CUX2: variants seen among roughly 807,000 people sequenced by gnomAD.
CUX2 encodes homeobox protein cut-like 2.
In CUX2, 40 loss-of-function variants were observed where a neutral mutation model predicts 144.8. The observed-to-expected ratio is 0.28, with a 90% CI of 0.21 to 0.36. The LOEUF is 0.36. Ranked by LOEUF, CUX2 falls within the 10% of genes least tolerant of loss-of-function variation. CUX2 has a pLI of 1.00. For missense variants in CUX2, 1,615 were observed against 1,994.0 expected (o/e 0.81, Z 3.62); for synonymous variants, 827 against 875.6 (o/e 0.94, Z 0.98).
At chr12:111,193,956 C>T (rs1880064821) in intron 1 of CUX2, among the ~76,000 whole-genome samples, 1 of 119,088 alleles carries the variant, frequency 8.4e-6, no homozygotes, top group African/African-American at 4.2e-5. Context: ...AGGTTGGGCT[C>T]CTCCGCAACC....
intron 20 of CUX2, among the ~76,000 whole-genome samples, chr12:111,340,131 G>A (rs1384118631): frequency 6.6e-6 from 1 of 152,190 alleles, no homozygotes; most frequent in African/African-American, 2.4e-5. Flanking sequence ...GGGAGGTGGA[G>A]GTTGCAGTGA....
intron 3 of CUX2, among the ~76,000 whole-genome samples, chr12:111,228,751 G>C (rs1882309954): frequency 6.6e-6 from 1 of 151,964 alleles, no homozygotes; most frequent in Non-Finnish European, 1.5e-5. Context: ...TATTGCATTT[G>C]GTTGAAAAAA....
chr12:111,079,574 T>G (rs1566205244), intron 1 of CUX2, among the ~76,000 whole-genome samples: 1 of 152,190 alleles, frequency 6.6e-6, no homozygotes, highest in Non-Finnish European at 1.5e-5. Flanking sequence ...GTTTGTAGAC[T>G]TAGTGAGACC....
chr12:111,053,247 C>T (rs1474752413), intron 1 of CUX2, among the ~76,000 whole-genome samples: 4 of 152,196 alleles, frequency 2.6e-5, no homozygotes, highest in East Asian at 1.9e-4. Context: ...TTTTGTTTCT[C>T]GTGCTTGCTC....
At chr12:111,121,019 C>T (rs1874622083) in intron 1 of CUX2, among the ~76,000 whole-genome samples, 1 of 148,164 alleles carries the variant, frequency 6.7e-6, no homozygotes, top group Non-Finnish European at 1.5e-5. Flanking sequence ...ACCCGCCAGA[C>T]TTTTAAGGGT....
intron 16 of CUX2, among the ~76,000 whole-genome samples, chr12:111,318,495 C>T (rs1887317851): frequency 6.6e-6 from 1 of 151,086 alleles, no homozygotes; most frequent in African/African-American, 2.4e-5. Flanking sequence ...GCAGGAGAAC[C>T]ACTTGAGCCC....
chr12:111,262,777 GA>G lies in CUX2; in HGVS notation c.223-983del, dbSNP rs544467646. Among the ~76,000 whole-genome samples the G allele has an allele frequency of 9.1e-4, 139 of 152,308 alleles. 2 individuals are homozygous for G. Among genetic ancestry groups the G allele is most frequent in the African/African-American group, 3.3e-3 (136 of 41,570 alleles). ...CCTCCAACATTTGTTAAAGTTGTTT[GA>G]TATCTTACGAGAGCTTTAACAATTT... On this transcript the variant is annotated intron_variant, in intron 3 of 21. Coordinates refer to ENST00000261726, the MANE Select transcript of CUX2 (RefSeq NM_015267.4).
chr12:111,150,865 TTTG>T (rs983849904), intron 1 of CUX2, among the ~76,000 whole-genome samples: 46 of 152,216 alleles, frequency 3.0e-4, no homozygotes, highest in African/African-American at 1.1e-3. Flanking sequence ...CATGTTTTAT[TTTG>T]TTATTATTTC....
rs1380816672 is a variant in CUX2, at chr12:111,160,022, TAAAAA to T, written c.64-54177_64-54173del. ...CCTGGGCGACAAAGTGAGACTATCT[TAAAAA>T]CAAAACAAAACAACAACTACAAAAA... On this transcript the variant is annotated intron_variant, in intron 1 of 21. Transcript: ENST00000261726. This position sits in a 1 kb window ranked among gnomAD's most constrained non-coding sequence, Gnocchi z 4.1. 6.6e-6 allele frequency among the ~76,000 whole-genome samples: 1 copy of T among 152,048 alleles called. No individual in the cohort carries two copies. The highest frequency in any genetic ancestry group is 1.5e-5 in the Non-Finnish European group (1 of 68,000).
intron 3 of CUX2, among the ~76,000 whole-genome samples, chr12:111,258,018 A>G (rs181150438): frequency 2.0e-5 from 3 of 152,160 alleles, no homozygotes; most frequent in Non-Finnish European, 2.9e-5. Context: ...AAGATATCCT[A>G]TGTGATTAGA....
At position 111,330,131 on chromosome 12, in the gene CUX2, A is replaced by T. The variant is rs78276934; in HGVS notation, c.2927-4310A>T. 8.7e-3 allele frequency among the ~76,000 whole-genome samples: 1,321 copies of T among 152,322 alleles called. 7 individuals carry two copies. Among genetic ancestry groups the T allele is most frequent in the Non-Finnish European group, 0.013 (856 of 68,018 alleles). ...GGATGCTACCTGAATGGCCAGGATC[A>T]GCTCACTTGGGGCTGGGGGCACAGT... On this transcript the variant is annotated intron_variant, in intron 18 of 21. Coordinates refer to ENST00000261726, the MANE Select transcript of CUX2 (RefSeq NM_015267.4).
Position 111,212,204 on chromosome 12 carries a change from T to C in CUX2, c.64-1996T>C, listed in dbSNP as rs188725239. Among the ~76,000 whole-genome samples, 5 of 152,328 alleles carry C rather than the reference T, an allele frequency of 3.3e-5. No homozygotes were observed. The East Asian group carries it at 9.6e-4, about 29-fold the overall frequency. On this transcript the variant is annotated intron_variant, in intron 1 of 21. Transcript: ENST00000261726. Reference sequence around the variant, plus strand: ...CAGTTGTAGTTTCTGTATTAGAAACTGTGATTAGTTTTAAGTGATGATGAA... The same window carrying C: ...CAGTTGTAGTTTCTGTATTAGAAACCGTGATTAGTTTTAAGTGATGATGAA...
At chr12:111,265,728 A>G (rs1592898699) in intron 4 of CUX2, among the ~76,000 whole-genome samples, 1 of 152,076 alleles carries the variant, frequency 6.6e-6, no homozygotes, top group African/African-American at 2.4e-5. Context: ...AGTTGAAATG[A>G]TCTGCTTACC....
intron 1 of CUX2, among the ~76,000 whole-genome samples, chr12:111,140,700 A>G (rs1026064114): frequency 4.6e-5 from 7 of 152,160 alleles, no homozygotes; most frequent in African/African-American, 1.7e-4. Flanking sequence ...GGGGTGGGGG[A>G]ATGCGCAGCC....
chr12:111,315,119 C>T (rs1364761421), intron 16 of CUX2, among the ~76,000 whole-genome samples: 1 of 152,198 alleles, frequency 6.6e-6, no homozygotes, highest in Admixed American at 6.6e-5. Context: ...AGGAAAAATA[C>T]AAAGGTTATT....
At chr12:111,299,284 G>A (rs942265968) in intron 9 of CUX2, among the ~76,000 whole-genome samples, 3 of 152,242 alleles carry the variant, frequency 2.0e-5, no homozygotes, top group African/African-American at 7.2e-5. Context: ...CCCAGGGGCA[G>A]TTAAAAGGGG....
At chr12:111,042,880 C>T (rs1869818599) in intron 1 of CUX2, among the ~76,000 whole-genome samples, 1 of 151,864 alleles carries the variant, frequency 6.6e-6, no homozygotes. Flanking sequence ...AAGTGATTCT[C>T]CCAACTCAAC....
chr12:111,048,825 G>C (rs1870122936), intron 1 of CUX2, among the ~76,000 whole-genome samples: 1 of 152,108 alleles, frequency 6.6e-6, no homozygotes, highest in African/African-American at 2.4e-5. Context: ...ATGTCTACCT[G>C]GGGGACTGCA....
At chr12:111,274,503 C>T (rs891347027) in intron 4 of CUX2, among the ~76,000 whole-genome samples, 1 of 152,110 alleles carries the variant, frequency 6.6e-6, no homozygotes, top group African/African-American at 2.4e-5. Flanking sequence ...ACCATCAGCA[C>T]CCAGTGCCAA....
Sources: allele counts gnomAD v4.1 joint callset (sites outside exome capture counted in the v4.1 genomes callset), GRCh38; gene constraint gnomAD v4.1.1; non-coding constraint Gnocchi (gnomAD v3.1); transcripts MANE v1.5; gene names NCBI Gene and HGNC (gene_info 2026-07-23, HGNC 2026-07-21).